ARL5C: variants seen among roughly 807,000 people sequenced by gnomAD.
ARL5C encodes ARF like GTPase 5C, also known as putative ADP-ribosylation factor-like protein 5C.
In ARL5C, 21 loss-of-function variants were observed where a neutral mutation model predicts 20.8. The ratio of observed to expected loss-of-function variants is 1.01; its 90% CI spans 0.72 to 1.46. The LOEUF (loss-of-function observed/expected upper bound fraction) is 1.46, where lower values mean the gene tolerates loss of function less well. Ranked by LOEUF, ARL5C falls within the 40% of genes most tolerant of loss-of-function variation. The probability of loss-of-function intolerance (pLI) is 0.00; values close to 1 mark genes in which losing one functional copy is unlikely to be tolerated. For missense variants in ARL5C, 199 were observed against 225.1 expected (o/e 0.88, Z 0.74); for synonymous variants, 71 against 81.6 (o/e 0.87, Z 0.70).
chr17:39,165,373 C>A (rs1431877358), intron 1 of ARL5C: 1 of 591,458 alleles, frequency 1.7e-6, no homozygotes. Context: ...CTGAAAGGCC[C>A]GGGGCGCTTC....
chr17:39,164,957 T>G (rs2045455200), intron 2 of ARL5C, 122 bp downstream of exon 2: 2 of 981,168 alleles, frequency 2.0e-6, no homozygotes, highest in East Asian at 5.3e-5. Flanking sequence ...GCGTGCCCAA[T>G]CGCTCCTCCG....
At chr17:39,157,295 T>C (rs1431064385) in intron 5 of ARL5C, among the ~76,000 whole-genome samples, 3 of 152,224 alleles carry the variant, frequency 2.0e-5, no homozygotes, top group Non-Finnish European at 4.4e-5. Flanking sequence ...GGAAGGAGCC[T>C]GGAGACTCAC....
In ARL5C at chr17:39,162,695, C is replaced by A. The variant is rs771956426; in HGVS notation, c.255+16G>T. On this transcript the variant is annotated intron_variant, in intron 3 of 5. Coordinates refer to ENST00000269586, the MANE Select transcript of ARL5C (RefSeq NM_001143968.1). ...CGCCTGCCTTGGAGACCCTTCAGCC[C>A]TGGTGCCCTCCTCACCTCAGTGTTG... 1 of 1,550,666 alleles carries A rather than the reference C, an allele frequency of 6.4e-7. No individual in the cohort carries two copies. The highest frequency in any genetic ancestry group is 1.4e-5 in the African/African-American group (1 of 73,180).
intron 4 of ARL5C, 57 bp from the exon 5 acceptor site, chr17:39,160,799 A>G (rs2045430735): frequency 6.5e-7 from 1 of 1,534,988 alleles, no homozygotes; most frequent in African/African-American, 1.4e-5. Context: ...CTTCCTTCCT[A>G]CTGCCTCACA....
At position 39,160,691 on chromosome 17, in the gene ARL5C, C is replaced by A; in HGVS notation, c.391G>T (p.Asp131Tyr). 3 of 1,551,862 alleles carry A rather than the reference C, an allele frequency of 1.9e-6. No homozygotes were observed. Among genetic ancestry groups the A allele is most frequent in the South Asian group, 2.4e-5 (2 of 84,054 alleles). The change falls in exon 5 of 6, where the codon GAC becomes TAC. Residue 131 changes from aspartate (D) to tyrosine (Y), a missense_variant. Physicochemically the swap from Asp to Tyr is radical, Grantham distance 160 (BLOSUM62 -3). Coordinates refer to ENST00000269586, the MANE Select transcript of ARL5C (RefSeq NM_001143968.1). ...LIFANKQDVKDSMRMVEISHF... is the reference protein window; with the variant it reads ...LIFANKQDVKYSMRMVEISHF... Reference sequence around the variant, plus strand: ...GAGATCTCCACCATCCTCATGGAGTCCTTCACGTCCTGCTTATTGGCAAAT... The same window carrying A: ...GAGATCTCCACCATCCTCATGGAGTACTTCACGTCCTGCTTATTGGCAAAT...
At chr17:39,161,927 C>T (rs894140101) in intron 3 of ARL5C, among the ~76,000 whole-genome samples, 4 of 152,280 alleles carry the variant, frequency 2.6e-5, no homozygotes, top group South Asian at 2.1e-4. Context: ...CTTACCACAA[C>T]GCTGTGGACT....
At chr17:39,160,006 C>T (rs181185070) in intron 5 of ARL5C, among the ~76,000 whole-genome samples, 5 of 152,278 alleles carry the variant, frequency 3.3e-5, no homozygotes, top group Non-Finnish European at 5.9e-5. Flanking sequence ...TTTCTGGTAA[C>T]CAGTGGGATT....
chr17:39,158,045 C>G (rs2045414394), intron 5 of ARL5C, among the ~76,000 whole-genome samples: 1 of 149,730 alleles, frequency 6.7e-6, no homozygotes. Context: ...TTGCAGTGAG[C>G]CGAGATCGCG....
intron 5 of ARL5C, among the ~76,000 whole-genome samples, chr17:39,158,329 T>G (rs1208472794): frequency 6.6e-6 from 1 of 152,036 alleles, no homozygotes; most frequent in Non-Finnish European, 1.5e-5. Flanking sequence ...AAAACACATC[T>G]GCGCCAGGCG....
chr17:39,157,270 G>A (rs1328451500), intron 5 of ARL5C, among the ~76,000 whole-genome samples: 1 of 152,190 alleles, frequency 6.6e-6, no homozygotes, highest in Non-Finnish European at 1.5e-5. Flanking sequence ...TGAGAGTCAG[G>A]GAGGGCTTCT....
intron 2 of ARL5C, among the ~76,000 whole-genome samples, chr17:39,163,604 C>G (rs933855327): frequency 1.3e-5 from 2 of 151,216 alleles, no homozygotes; most frequent in Non-Finnish European, 2.9e-5. Context: ...GTTGGCTGGG[C>G]GAGTCTCGAA....
intron 3 of ARL5C, among the ~76,000 whole-genome samples, chr17:39,162,499 C>T (rs1357862472): frequency 6.6e-6 from 1 of 152,100 alleles, no homozygotes; most frequent in Non-Finnish European, 1.5e-5. Flanking sequence ...TGGGGTTTTG[C>T]CATGTTGGCC....
chr17:39,163,116 C>A (rs998106100), intron 2 of ARL5C, among the ~76,000 whole-genome samples: 4 of 151,898 alleles, frequency 2.6e-5, no homozygotes, highest in African/African-American at 9.7e-5. Context: ...CTCTTTTTTT[C>A]TTTTTATAGA....
chr17:39,163,959 G>A (rs768750031), intron 2 of ARL5C: 1 of 151,854 alleles, frequency 6.6e-6, no homozygotes, highest in Non-Finnish European at 1.5e-5. Context: ...TAGAGATGGG[G>A]TTTCGCCATG....
Position 39,160,774 on chromosome 17 carries a change from C to G in ARL5C, c.340-32G>C, listed in dbSNP as rs111367073. 47 of 1,547,338 alleles carry G rather than the reference C, an allele frequency of 3.0e-5. No individual in the cohort carries two copies. The African/African-American group carries it at 4.7e-4, about 15-fold the overall frequency. ...ACAGAGGAGCCCAGCCCCAGTCAGC[C>G]TGCTAGTGCCCAGCCTTCCTTCCTA... is the stretch of plus-strand genomic sequence containing the variant. On this transcript the variant is annotated intron_variant, in intron 4 of 5. Transcript: ENST00000269586.
At chr17:39,160,349 A>T in intron 5 of ARL5C, 1 of 436,422 alleles carries the variant, frequency 2.3e-6, no homozygotes, top group East Asian at 4.2e-5. Context: ...AGAGAGAGAG[A>T]TTATTGCATT....
At chr17:39,158,129 G>GGA (rs2045416029) in intron 5 of ARL5C, among the ~76,000 whole-genome samples, 12 of 94,670 alleles carry the variant, frequency 1.3e-4, no homozygotes, top group African/African-American at 2.7e-4. Context: ...GGGAGGGAGG[G>GGA]AGGAAGGAAG....
At chr17:39,157,231 A>G (rs1232913614) in intron 5 of ARL5C, among the ~76,000 whole-genome samples, 1 of 152,196 alleles carries the variant, frequency 6.6e-6, no homozygotes, top group African/African-American at 2.4e-5. Flanking sequence ...TACTGTGATA[A>G]AGGAAATATA....
At chr17:39,161,234 C>T in intron 4 of ARL5C, 34 bp downstream of exon 4, 1 of 1,533,412 alleles carries the variant, frequency 6.5e-7, no homozygotes, top group Non-Finnish European at 8.8e-7. Flanking sequence ...ACAGCTAGTA[C>T]CACTGGGCCC....
Sources: gnomAD v4.1 joint callset for allele counts (sites outside exome capture counted in the v4.1 genomes callset) on GRCh38, gnomAD v4.1.1 for gene constraint, MANE v1.5 for transcripts, NCBI Gene and HGNC (gene_info 2026-07-23, HGNC 2026-07-21) for gene names.